UPF2: variants seen among roughly 807,000 people sequenced by gnomAD.
UPF2 encodes UPF2 regulator of nonsense mediated mRNA decay.
A neutral mutation model predicts 141.4 loss-of-function variants in UPF2; 17 were observed. The ratio of observed to expected loss-of-function variants is 0.12; its 90% CI spans 0.08 to 0.18. UPF2 has a LOEUF of 0.18. Among genes scored for constraint, UPF2 ranks in the 10% least tolerant of loss-of-function variants. The pLI is 1.00. For synonymous variants in UPF2, 540 were observed against 498.0 expected, an observed-to-expected ratio of 1.08 and a Z score of -1.12; for missense variants, 1,152 against 1,515.9, an observed-to-expected ratio of 0.76 and a Z score of 3.99.
chr10:11,946,608 T>C (rs1399261800), intron 16 of UPF2, among the ~76,000 whole-genome samples: 2 of 152,234 alleles, frequency 1.3e-5, no homozygotes, highest in Non-Finnish European at 2.9e-5. Context: ...AATTTTAATT[T>C]CATCAGTATT....
At position 11,959,453 on chromosome 10, in the gene UPF2, T is replaced by A. The variant is rs1240390475; in HGVS notation, c.2185-97A>T. 17 of 1,339,918 alleles carry A rather than the reference T, an allele frequency of 1.3e-5. No individual in the cohort carries two copies. The highest frequency in any genetic ancestry group is 1.7e-5 in the Non-Finnish European group (17 of 1,007,228). The allele number at this position is 1,339,918 out of a possible 1,614,324, so 83.0% of individuals were successfully genotyped here. On this transcript the variant is annotated intron_variant, in intron 11 of 21. Coordinates refer to ENST00000357604, the MANE Select transcript of UPF2 (RefSeq NM_015542.4). This position sits in a 1 kb window ranked among gnomAD's most constrained non-coding sequence, Gnocchi z 5.9. ...TTCTCAGTGATTTGCTATTTCAAAG[T>A]AATGGGTTAGAAAGGCAAAGAAAGG...
chr10:11,920,904 A>G lies in UPF2; in HGVS notation c.*394T>C. On this transcript the variant is annotated 3_prime_UTR_variant, in exon 22 of 22. Transcript: ENST00000357604. ...TTCAGAGACACTGAAACTCAAATCA[A>G]GTTTAAAGCTCAAGTTCATTTCCCC... 2.3e-6 allele frequency: 1 copy of G among 431,342 alleles called. No individual in the cohort carries two copies. Among genetic ancestry groups the G allele is most frequent in the Non-Finnish European group, 4.8e-6 (1 of 210,376 alleles). 26.7% of individuals were successfully genotyped at this position (431,342 alleles called of 1,614,324 possible). A position where few individuals can be genotyped will look rare whatever the true frequency, so the allele number is the denominator to read the frequency against.
At position 12,014,422 on chromosome 10, in the gene UPF2, T is replaced by C. The variant is rs1006994432; in HGVS notation, c.1146-238A>G. 2.6e-5 allele frequency among the ~76,000 whole-genome samples: 4 copies of C among 152,194 alleles called. No individual in the cohort carries two copies. The highest frequency in any genetic ancestry group is 4.8e-5 in the African/African-American group (2 of 41,456). ...AGAATATGCAGCATGCTTGCTGAAA[T>C]ACAATATTTAACAATATACATCTAA... is the stretch of plus-strand genomic sequence containing the variant. On this transcript the variant is annotated intron_variant, in intron 3 of 21. Transcript: ENST00000357604. This position sits in a 1 kb window ranked among gnomAD's most constrained non-coding sequence, Gnocchi z 5.0.
At chr10:11,988,704 C>A (rs1833734343) in intron 8 of UPF2, among the ~76,000 whole-genome samples, 1 of 152,136 alleles carries the variant, frequency 6.6e-6, no homozygotes, top group Admixed American at 6.6e-5. Flanking sequence ...TATTTCCTTG[C>A]CCCCTCTCCC....
chr10:12,031,173 C>CAA (rs1230080718), intron 2 of UPF2, among the ~76,000 whole-genome samples: 355 of 28,040 alleles, frequency 0.013, 25 homozygotes, highest in Non-Finnish European at 0.017. Flanking sequence ...GACTCCATCT[C>CAA]AAAAAAAAAA....
At chr10:11,927,751 C>T (rs1476192686) in intron 21 of UPF2, among the ~76,000 whole-genome samples, 1 of 151,992 alleles carries the variant, frequency 6.6e-6, no homozygotes, top group Admixed American at 6.6e-5. Context: ...AAGAACAGAT[C>T]TCTAAACTGT....
chr10:11,979,476 A>C lies in UPF2; in HGVS notation c.1845-311T>G, dbSNP rs190314274. Reference sequence around the variant, plus strand: ...ATGTTTTGACACGACTTAAATTTTTAATCACATAATTACTGAGTAACTGCA... The same window carrying C: ...ATGTTTTGACACGACTTAAATTTTTCATCACATAATTACTGAGTAACTGCA... On this transcript the variant is annotated intron_variant, in intron 8 of 21. Coordinates refer to ENST00000357604, the MANE Select transcript of UPF2 (RefSeq NM_015542.4). The surrounding 1 kb of genome is among the most constrained non-coding windows in gnomAD (Gnocchi z 6.2). 6.6e-6 allele frequency among the ~76,000 whole-genome samples: 1 copy of C among 152,374 alleles called. No individual in the cohort carries two copies. Among genetic ancestry groups the C allele is most frequent in the East Asian group, 1.9e-4 (1 of 5,192 alleles).
rs1001927251 is a variant in UPF2, at chr10:11,966,493, T to C, written c.2067+848A>G. Among the ~76,000 whole-genome samples, 6 of 152,192 alleles carry C rather than the reference T, an allele frequency of 3.9e-5. No homozygotes were observed. In the East Asian group the frequency reaches 9.6e-4, roughly 24 times the overall value. ...AGACTGGAGTGCAATGGTGTGATCTTGGCGCACCACAACCTCCACCTCCTG... is the reference window on the plus strand; with the variant it reads ...AGACTGGAGTGCAATGGTGTGATCTCGGCGCACCACAACCTCCACCTCCTG... On this transcript the variant is annotated intron_variant, in intron 10 of 21. Transcript: ENST00000357604.
intron 2 of UPF2, among the ~76,000 whole-genome samples, chr10:12,031,650 C>T (rs185853860): frequency 2.6e-5 from 4 of 152,204 alleles, no homozygotes; most frequent in South Asian, 2.1e-4. Flanking sequence ...GTGGCACATG[C>T]CTGTAGTCCC....
rs548742848 is a variant in UPF2, at chr10:11,940,191, C to T, written c.3378+2474G>A. ...CACATCTCCTGCAAAAATGTGAATT[C>T]GAACTTCCCTCCTCGATTACATCTT... On this transcript the variant is annotated intron_variant, in intron 18 of 21. Coordinates refer to ENST00000357604, the MANE Select transcript of UPF2 (RefSeq NM_015542.4). The surrounding 1 kb of genome is among the most constrained non-coding windows in gnomAD (Gnocchi z 4.2). Among the ~76,000 whole-genome samples, 3 of 152,316 alleles carry T rather than the reference C, an allele frequency of 2.0e-5. No homozygotes were observed. The highest frequency in any genetic ancestry group is 3.9e-4 in the East Asian group (2 of 5,174).
At chr10:12,018,284 C>CA (rs1227473480) in intron 3 of UPF2, among the ~76,000 whole-genome samples, 1 of 151,980 alleles carries the variant, frequency 6.6e-6, no homozygotes, top group African/African-American at 2.4e-5. Flanking sequence ...TCCATCTTTA[C>CA]AAAAAATACA....
chr10:12,027,394 T>C (rs1437450528), intron 3 of UPF2, among the ~76,000 whole-genome samples: 1 of 152,200 alleles, frequency 6.6e-6, no homozygotes, highest in African/African-American at 2.4e-5. Context: ...AGCATACTAT[T>C]AGCATACTCA....
intron 4 of UPF2, among the ~76,000 whole-genome samples, chr10:12,012,676 G>A (rs1265134719): frequency 6.6e-6 from 1 of 151,786 alleles, no homozygotes; most frequent in Non-Finnish European, 1.5e-5. Context: ...GTGGGTGCCT[G>A]TAGTCCCAGC....
chr10:12,030,936 A>G lies in UPF2; in HGVS notation c.366-1412T>C, dbSNP rs1330898221. Among the ~76,000 whole-genome samples, 4 of 151,492 alleles carry G rather than the reference A, an allele frequency of 2.6e-5. No individual in the cohort carries two copies. In the East Asian group the frequency reaches 7.8e-4, roughly 30 times the overall value. ...ATGCCTGTAATCCCAGCACTTTGGG[A>G]GGCCGAGGCGGGTGGATCACGAGGT... On this transcript the variant is annotated intron_variant, in intron 2 of 21. Coordinates refer to ENST00000357604, the MANE Select transcript of UPF2 (RefSeq NM_015542.4).
chr10:11,990,563 C>T (rs1833761431), intron 8 of UPF2, among the ~76,000 whole-genome samples: 1 of 150,226 alleles, frequency 6.7e-6, no homozygotes, highest in Admixed American at 6.7e-5. Context: ...GCCTGTAGTC[C>T]CAGCTACTCA....
intron 8 of UPF2, among the ~76,000 whole-genome samples, chr10:11,996,035 A>G (rs1266429039): frequency 6.6e-6 from 1 of 152,060 alleles, no homozygotes; most frequent in Non-Finnish European, 1.5e-5. Flanking sequence ...CTTCTTGACA[A>G]AGGCACTTAG....
At chr10:11,972,575 C>T (rs1476558152) in intron 9 of UPF2, among the ~76,000 whole-genome samples, 2 of 152,110 alleles carry the variant, frequency 1.3e-5, no homozygotes, top group African/African-American at 2.4e-5. Context: ...ATGTGCCCCT[C>T]CCTGTGTCCA....
At chr10:11,927,164 T>C (rs1832723754) in intron 21 of UPF2, among the ~76,000 whole-genome samples, 1 of 152,204 alleles carries the variant, frequency 6.6e-6, no homozygotes, top group Non-Finnish European at 1.5e-5. Context: ...TGGATGAGTG[T>C]ACACGGAGGG....
intron 14 of UPF2, among the ~76,000 whole-genome samples, chr10:11,952,555 A>C (rs958443651): frequency 2.7e-5 from 4 of 148,070 alleles, no homozygotes; most frequent in African/African-American, 1.0e-4. Flanking sequence ...GCTCACTGCA[A>C]GCTCCGCCTC....
Sources: allele counts gnomAD v4.1 joint callset (sites outside exome capture counted in the v4.1 genomes callset), GRCh38; gene constraint gnomAD v4.1.1; non-coding constraint Gnocchi (gnomAD v3.1); transcripts MANE v1.5; gene names NCBI Gene and HGNC (gene_info 2026-07-23, HGNC 2026-07-21).